Variants in BNC2 observed in about 807,000 individuals in gnomAD.
BNC2 encodes basonuclin zinc finger protein 2, also known as zinc finger protein basonuclin-2.
BNC2 carries 20 observed loss-of-function variants against 76.3 expected under a neutral mutation model. That is an observed-to-expected ratio of 0.26 (90% CI 0.18 to 0.38). The LOEUF is 0.38. BNC2 is among the 10% of genes least tolerant of loss of function. The pLI is 1.00. For synonymous variants in BNC2, 582 were observed against 514.8 expected, an observed-to-expected ratio of 1.13 and a Z score of -1.77; for missense variants, 1,382 against 1,399.8, an observed-to-expected ratio of 0.99 and a Z score of 0.20.
At chr9:16,749,746 C>G (rs1280305440) in intron 1 of BNC2, among the ~76,000 whole-genome samples, 1 of 151,866 alleles carries the variant, frequency 6.6e-6, no homozygotes, top group East Asian at 1.9e-4. Flanking sequence ...ATGCACTGTT[C>G]CTTGGATAGA....
chr9:16,445,189 A>AAAG (rs1821206404), intron 5 of BNC2, among the ~76,000 whole-genome samples: 1 of 152,246 alleles, frequency 6.6e-6, no homozygotes, highest in African/African-American at 2.4e-5. Context: ...AATCGTGGAA[A>AAAG]AAGAACTTGG....
intron 1 of BNC2, among the ~76,000 whole-genome samples, chr9:16,775,349 C>G (rs1825936071): frequency 6.6e-6 from 1 of 150,952 alleles, no homozygotes. Flanking sequence ...GCTGGCTCCA[C>G]AGTGAAGGAG....
rs531746979 is a variant in BNC2, at chr9:16,700,144, GAC to G, written c.330+27651_330+27652del. ...CCTTCAAAATGAAGTAGAGTCTGTA[GAC>G]ACAGACTTCAGTTAGACATAAAACT... On this transcript the variant is annotated intron_variant, in intron 3 of 6. Coordinates refer to ENST00000380672, the MANE Select transcript of BNC2 (RefSeq NM_017637.6). 2.9e-4 allele frequency among the ~76,000 whole-genome samples: 44 copies of G among 152,262 alleles called. No individual in the cohort carries two copies. The South Asian group carries it at 8.7e-3, about 30-fold the overall frequency.
chr9:16,526,630 C>G (rs184069918), intron 5 of BNC2, among the ~76,000 whole-genome samples: 8 of 152,150 alleles, frequency 5.3e-5, no homozygotes, highest in Admixed American at 5.2e-4. Context: ...GAAATGTTTT[C>G]CTATCTGAAC....
intron 6 of BNC2, chr9:16,435,184 A>G: frequency 2.5e-6 from 1 of 392,796 alleles, no homozygotes; most frequent in Non-Finnish European, 5.0e-6. Flanking sequence ...ATAAATATAT[A>G]AATATATATA....
At chr9:16,723,059 G>C (rs1824209062) in intron 3 of BNC2, among the ~76,000 whole-genome samples, 1 of 152,094 alleles carries the variant, frequency 6.6e-6, no homozygotes, top group Non-Finnish European at 1.5e-5. Context: ...GCCTAAATTG[G>C]AGGTCGTAGC....
At chr9:16,782,685 A>C (rs1826187044) in intron 1 of BNC2, among the ~76,000 whole-genome samples, 1 of 152,162 alleles carries the variant, frequency 6.6e-6, no homozygotes, top group Non-Finnish European at 1.5e-5. Context: ...CTCTGGGCTT[A>C]GGGGTTCCAC....
In BNC2 at chr9:16,416,120, C is replaced by T. The variant is rs929057430; in HGVS notation, c.*2869G>A. On this transcript the variant is annotated 3_prime_UTR_variant, in exon 7 of 7. Coordinates refer to ENST00000380672, the MANE Select transcript of BNC2 (RefSeq NM_017637.6). ...TGCCGACAGCTATGTAATTCACTCA[C>T]GAGGGCTATCTGACCTTTTATTTGA... The T allele has an allele frequency of 2.0e-5, 3 of 152,192 alleles. No homozygotes were observed. The highest frequency in any genetic ancestry group is 4.8e-5 in the African/African-American group (2 of 41,458). 9.4% of individuals were successfully genotyped at this position (152,192 alleles called of 1,614,324 possible).
intron 4 of BNC2, among the ~76,000 whole-genome samples, chr9:16,567,946 C>T (rs372105171): frequency 5.9e-5 from 9 of 152,254 alleles, no homozygotes; most frequent in African/African-American, 2.2e-4. Flanking sequence ...TAAATGGAAA[C>T]CTGTTATTTC....
At chr9:16,504,743 A>T (rs1471268954) in intron 5 of BNC2, among the ~76,000 whole-genome samples, 2 of 152,194 alleles carry the variant, frequency 1.3e-5, no homozygotes, top group African/African-American at 4.8e-5. Context: ...GCTACTGAGG[A>T]AGCTGAGGCG....
intron 3 of BNC2, among the ~76,000 whole-genome samples, chr9:16,606,259 A>C (rs143584768): frequency 4.3e-4 from 66 of 151,892 alleles, no homozygotes; most frequent in African/African-American, 1.6e-3. Context: ...TTTTTAAAGG[A>C]TTAGCTTTAA....
intron 1 of BNC2, among the ~76,000 whole-genome samples, chr9:16,861,644 T>A (rs753475752): frequency 2.6e-5 from 4 of 151,700 alleles, no homozygotes; most frequent in Non-Finnish European, 5.9e-5. Context: ...ACTAGTATGA[T>A]TCAAATAAAA....
Position 16,465,642 on chromosome 9 carries a change from T to C in BNC2, c.670-28118A>G, listed in dbSNP as rs181640393. 5.9e-5 allele frequency among the ~76,000 whole-genome samples: 9 copies of C among 152,250 alleles called. No individual in the cohort carries two copies. In the East Asian group the frequency reaches 1.5e-3, roughly 26 times the overall value. ...ACTAATATTTAATGCCTTATAAATA[T>C]ATTACACATATAACATGAATATTAT... On this transcript the variant is annotated intron_variant, in intron 5 of 6. Transcript: ENST00000380672.
chr9:16,784,157 T>A (rs1826220904), intron 1 of BNC2, among the ~76,000 whole-genome samples: 1 of 152,224 alleles, frequency 6.6e-6, no homozygotes, highest in South Asian at 2.1e-4. Context: ...CCTGCCACAC[T>A]GCTGTAGCAC....
intron 1 of BNC2, among the ~76,000 whole-genome samples, chr9:16,825,432 G>T (rs1434062062): frequency 6.6e-6 from 1 of 152,122 alleles, no homozygotes; most frequent in Non-Finnish European, 1.5e-5. Context: ...ATTACACTTG[G>T]GCTGGAGCTT....
chr9:16,607,817 G>A (rs1339471580), intron 3 of BNC2, among the ~76,000 whole-genome samples: 1 of 152,148 alleles, frequency 6.6e-6, no homozygotes, highest in Non-Finnish European at 1.5e-5. Flanking sequence ...CTAACTTATA[G>A]ATTAACAAAA....
intron 3 of BNC2, among the ~76,000 whole-genome samples, chr9:16,725,527 A>C (rs1007669579): frequency 7.2e-5 from 11 of 152,158 alleles, no homozygotes; most frequent in African/African-American, 2.7e-4. Context: ...CAAAAAAAAA[A>C]GAAAACATAT....
At chr9:16,481,296 C>G (rs1317912395) in intron 5 of BNC2, among the ~76,000 whole-genome samples, 1 of 152,054 alleles carries the variant, frequency 6.6e-6, no homozygotes, top group Admixed American at 6.5e-5. Flanking sequence ...GCAGGCTGCC[C>G]GAGCCAGCAG....
intron 5 of BNC2, among the ~76,000 whole-genome samples, chr9:16,469,623 C>A (rs563529186): frequency 1.3e-5 from 2 of 152,072 alleles, no homozygotes; most frequent in Non-Finnish European, 2.9e-5. Flanking sequence ...AAAAGACACC[C>A]GAAAATGTGA....
Sources: allele counts gnomAD v4.1 joint callset (sites outside exome capture counted in the v4.1 genomes callset), GRCh38; gene constraint gnomAD v4.1.1; transcripts MANE v1.5; gene names NCBI Gene and HGNC (gene_info 2026-07-23, HGNC 2026-07-21).